Variants in PTGS1 observed in about 807,000 individuals in gnomAD.
The protein encoded by PTGS1 is prostaglandin-endoperoxide synthase 1.
A neutral mutation model predicts 63.0 loss-of-function variants in PTGS1; 40 were observed. That is an observed-to-expected ratio of 0.63 (90% CI 0.49 to 0.83). The LOEUF is 0.83. Ranked by LOEUF, PTGS1 falls within the 40% of genes least tolerant of loss-of-function variation. The probability of loss-of-function intolerance (pLI) is 0.00; values close to 1 mark genes in which losing one functional copy is unlikely to be tolerated. For missense variants in PTGS1, 709 were observed against 786.5 expected (o/e 0.90, Z 1.18); for synonymous variants, 298 against 301.9 (o/e 0.99, Z 0.13).
chr9:122,388,262 T>C (rs1837999957), intron 9 of PTGS1, among the ~76,000 whole-genome samples: 1 of 152,140 alleles, frequency 6.6e-6, no homozygotes, highest in African/African-American at 2.4e-5. Context: ...CCCAGGCTGG[T>C]CTTGAACTCC....
chr9:122,392,703 A>ATT lies in PTGS1; in HGVS notation c.*160_*161dup. 1 of 618,260 alleles carries ATT rather than the reference A, an allele frequency of 1.6e-6. No individual in the cohort carries two copies. The highest frequency in any genetic ancestry group is 2.4e-5 in the South Asian group (1 of 42,516). 38.3% of individuals were successfully genotyped at this position (618,260 alleles called of 1,614,324 possible). On this transcript the variant is annotated 3_prime_UTR_variant, in exon 11 of 11. Transcript: ENST00000362012. ...TTAAGTCTCACCCATTATCTGGAAT[A>ATT]TTGTGATTCTGTTTATTCTTCCAGA... is the stretch of plus-strand genomic sequence containing the variant.
At position 122,381,539 on chromosome 9, in the gene PTGS1, C is replaced by T. The variant is rs746963818; in HGVS notation, c.665C>T (p.Ala222Val). ...AAGATGGGTCCTGGCTTCACCAAGGCCTTGGGCCATGGGGTGAGTACCTAG... is the reference window on the plus strand; with the variant it reads ...AAGATGGGTCCTGGCTTCACCAAGGTCTTGGGCCATGGGGTGAGTACCTAG... ...SGKMGPGFTK[A>V]LGHGVDLGHI... The change falls in exon 6 of 11, where the codon GCC becomes GTC. Residue 222 changes from alanine to valine, a missense_variant. By Grantham distance (64) the Ala-to-Val change is moderately conservative. Transcript: ENST00000362012. 1 of 1,614,086 alleles carries T rather than the reference C, an allele frequency of 6.2e-7. No individual in the cohort carries two copies. The highest frequency in any genetic ancestry group is 8.5e-7 in the Non-Finnish European group (1 of 1,180,042).
At position 122,392,184 on chromosome 9, in the gene PTGS1, T is replaced by G. The variant is rs199631788; in HGVS notation, c.1445-5T>G. ...ATGCTAGCATTTCCCCTTATCTCCT[T>G]GTAGGAGAGAAGGAGATGGCAGCAG... On this transcript the variant is annotated splice_region_variant and splice_polypyrimidine_tract_variant and intron_variant, in intron 10 of 10. Transcript: ENST00000362012. The G allele has an allele frequency of 1.4e-4, 213 of 1,574,564 alleles. No homozygotes were observed. The highest frequency in any genetic ancestry group is 1.7e-4 in the Non-Finnish European group (197 of 1,154,406).
chr9:122,378,294 A>G (rs1216643849), intron 3 of PTGS1, 139 bp from the exon 4 acceptor site: 1 of 1,227,242 alleles, frequency 8.1e-7, no homozygotes, highest in Non-Finnish European at 1.2e-6. Flanking sequence ...ATTGCTCCCA[A>G]GGTTCCATCC....
intron 8 of PTGS1, 21 bp downstream of exon 8, chr9:122,383,776 C>A (rs577145816): frequency 6.3e-7 from 1 of 1,598,244 alleles, no homozygotes; most frequent in South Asian, 1.1e-5. Flanking sequence ...CAGACCTGCC[C>A]TGCCCTGGAA....
chr9:122,383,211 T>C (rs201160370), intron 7 of PTGS1, among the ~76,000 whole-genome samples: 2 of 94,106 alleles, frequency 2.1e-5, no homozygotes. Flanking sequence ...TTTTTTCTTT[T>C]TTTTTTTTTT....
At position 122,381,656 on chromosome 9, in the gene PTGS1, G is replaced by C; in HGVS notation, c.679-8G>C. 1.9e-6 allele frequency: 3 copies of C among 1,614,090 alleles called. No individual in the cohort carries two copies. The Middle Eastern group carries it at 4.9e-4, about 266-fold the overall frequency. On this transcript the variant is annotated splice_polypyrimidine_tract_variant and splice_region_variant and intron_variant, in intron 6 of 10. Coordinates refer to ENST00000362012, the MANE Select transcript of PTGS1 (RefSeq NM_000962.4). ...TGGTGACCTGAGGGAACCCCTCTCT[G>C]TCCACAGGTAGACCTCGGCCACATT...
At chr9:122,378,091 A>T in intron 3 of PTGS1, 76 bp downstream of exon 3, 2 of 1,331,450 alleles carry the variant, frequency 1.5e-6, no homozygotes, top group Non-Finnish European at 2.1e-6. Flanking sequence ...CTAGACCCTA[A>T]CTTCCTACCC....
At position 122,378,435 on chromosome 9, in the gene PTGS1, G is replaced by A. The variant is rs200851241; in HGVS notation, c.214G>A (p.Gly72Ser). 6.2e-7 allele frequency: 1 copy of A among 1,613,698 alleles called. No individual in the cohort carries two copies. Among genetic ancestry groups the A allele is most frequent in the Non-Finnish European group, 8.5e-7 (1 of 1,180,036 alleles). ...AGTGACTGCCATTGCCCCTGCAGCT[G>A]GCCTGTGGACCTGGCTCCGGAATTC... ...GYSGPNCTIP[G>S]LWTWLRNSLR... Residue 72 changes from glycine to serine, a missense_variant and splice_region_variant, in exon 4 of 11, where the codon GGC becomes AGC. Coordinates refer to ENST00000362012, the MANE Select transcript of PTGS1 (RefSeq NM_000962.4).
At chr9:122,388,133 G>T (rs1289423272) in intron 9 of PTGS1, among the ~76,000 whole-genome samples, 1 of 152,236 alleles carries the variant, frequency 6.6e-6, no homozygotes, top group Non-Finnish European at 1.5e-5. Context: ...GATGATGTAC[G>T]TGAAAAGCCC....
rs1427399871 is a variant in PTGS1 at position 122,381,351 on chromosome 9, G to C, written c.497-20G>C. The C allele has an allele frequency of 6.2e-7, 1 of 1,612,020 alleles. No individual in the cohort carries two copies. The highest frequency in any genetic ancestry group is 1.3e-5 in the African/African-American group (1 of 74,978). ...GATCCAGATAGGAGAAGCTACTGCT[G>C]TTTCCTACCCCCCAACCAGGGAAGA... On this transcript the variant is annotated intron_variant, in intron 5 of 10. Coordinates refer to ENST00000362012, the MANE Select transcript of PTGS1 (RefSeq NM_000962.4).
chr9:122,378,137 C>A, intron 3 of PTGS1, 122 bp downstream of exon 3: 1 of 1,020,458 alleles, frequency 9.8e-7, no homozygotes, highest in East Asian at 2.4e-5. Flanking sequence ...CCTTCCTTGC[C>A]TGGTTCTGCC....
At chr9:122,383,111 C>G (rs1256860161) in intron 7 of PTGS1, among the ~76,000 whole-genome samples, 2 of 149,818 alleles carry the variant, frequency 1.3e-5, no homozygotes, top group Admixed American at 6.6e-5. Context: ...TTAAGGAATT[C>G]TACTTTCTGC....
rs1238249297 is a variant in PTGS1, at chr9:122,381,731, G to A, written c.746G>A (p.Gly249Glu). ...RQYQLRLFKD[G>E]KLKYQVLDGE... Reference sequence around the variant, plus strand: ...TATCAACTGCGGCTCTTTAAGGATGGGAAACTCAAGTACCAGGTAGTGCTG... The same window carrying A: ...TATCAACTGCGGCTCTTTAAGGATGAGAAACTCAAGTACCAGGTAGTGCTG... Residue 249 changes from glycine (G) to glutamate (E), a missense_variant, in exon 7 of 11, where the codon GGG (glycine) becomes GAG (glutamate). Gly to Glu is a moderately conservative substitution (Grantham distance 98). Coordinates refer to ENST00000362012, the MANE Select transcript of PTGS1 (RefSeq NM_000962.4). The A allele has an allele frequency of 1.2e-6, 2 of 1,612,514 alleles. No individual in the cohort carries two copies. Among genetic ancestry groups the A allele is most frequent in the Non-Finnish European group, 1.7e-6 (2 of 1,179,882 alleles).
intron 10 of PTGS1, 38 bp from the exon 11 acceptor site, chr9:122,392,151 T>C: frequency 6.6e-7 from 1 of 1,514,558 alleles, no homozygotes; most frequent in Middle Eastern, 1.8e-4. Context: ...AATGGCATCA[T>C]GGATCTGATG....
At chr9:122,378,114 A>G in intron 3 of PTGS1, 99 bp downstream of exon 3, 2 of 1,171,014 alleles carry the variant, frequency 1.7e-6, no homozygotes, top group East Asian at 4.7e-5. Flanking sequence ...CTCTCTGACC[A>G]TGGCCCTGTT....
At chr9:122,384,843 C>A (rs992333872) in intron 8 of PTGS1, among the ~76,000 whole-genome samples, 2 of 152,148 alleles carry the variant, frequency 1.3e-5, no homozygotes, top group Non-Finnish European at 2.9e-5. Context: ...CTTAGTATTC[C>A]TACTTTTGGC....
chr9:122,390,253 T>C lies in PTGS1; in HGVS notation c.1352T>C (p.Ile451Thr). The C allele has an allele frequency of 6.2e-7, 1 of 1,614,086 alleles. No individual in the cohort carries two copies. The highest frequency in any genetic ancestry group is 8.5e-7 in the Non-Finnish European group (1 of 1,180,006). ...ATCCTGCATGTGGCTGTGGATGTCATCAGGGAGTCTCGGGAGATGCGGCTG... is the reference window on the plus strand; with the variant it reads ...ATCCTGCATGTGGCTGTGGATGTCACCAGGGAGTCTCGGGAGATGCGGCTG... ...HHILHVAVDVIRESREMRLQP... is the reference protein window; with the variant it reads ...HHILHVAVDVTRESREMRLQP... Residue 451 changes from isoleucine to threonine, a missense_variant, in exon 10 of 11, where the codon ATC (isoleucine) becomes ACC (threonine). Ile to Thr is a moderately conservative substitution (Grantham distance 89, BLOSUM62 -1). Coordinates refer to ENST00000362012, the MANE Select transcript of PTGS1 (RefSeq NM_000962.4).
intron 10 of PTGS1, 58 bp from the exon 11 acceptor site, chr9:122,392,131 G>T: frequency 6.8e-7 from 1 of 1,472,276 alleles, no homozygotes; most frequent in South Asian, 1.4e-5. Context: ...TCCCGCCCCA[G>T]GTTGACCTTA....
Sources: allele counts gnomAD v4.1 joint callset (sites outside exome capture counted in the v4.1 genomes callset), GRCh38; gene constraint gnomAD v4.1.1; transcripts MANE v1.5; gene names NCBI Gene and HGNC (gene_info 2026-07-23, HGNC 2026-07-21).